TTF2: variants seen among roughly 807,000 people sequenced by gnomAD.
TTF2 encodes transcription termination factor 2, also known as RNA polymerase II termination factor.
TTF2 carries 108 observed loss-of-function variants against 142.4 expected under a neutral mutation model. The ratio of observed to expected loss-of-function variants is 0.76; its 90% CI spans 0.65 to 0.89. The LOEUF is 0.89. TTF2 is among the 40% of genes least tolerant of loss of function. The pLI is 0.00. For missense variants in TTF2, 1,327 were observed against 1,379.8 expected (o/e 0.96, Z 0.61); for synonymous variants, 483 against 506.2 (o/e 0.95, Z 0.61).
chr1:117,077,922 C>G lies in TTF2; in HGVS notation c.1580C>G (p.Thr527Arg). ...AACACCTATTTGTATGCAGGCCATA[C>G]AAACCAAGATCACGTTCATGCAGTG... Reference protein sequence around the residue: ...GGSSQCYRGHTNQDHVHAVWK... With the variant: ...GGSSQCYRGHRNQDHVHAVWK... The change falls in exon 8 of 23, where the codon ACA becomes AGA. Residue 527 changes from threonine (T) to arginine (R), a missense_variant. Physicochemically the swap from Thr to Arg is moderately conservative, Grantham distance 71. Coordinates refer to ENST00000369466, the MANE Select transcript of TTF2 (RefSeq NM_003594.4). The G allele has an allele frequency of 6.2e-7, 1 of 1,614,156 alleles. No individual in the cohort carries two copies. Among genetic ancestry groups the G allele is most frequent in the African/African-American group, 1.3e-5 (1 of 75,054 alleles).
chr1:117,095,443 T>G (rs1220811835), intron 19 of TTF2, 76 bp downstream of exon 19: 1 of 1,378,376 alleles, frequency 7.3e-7, no homozygotes, highest in African/African-American at 1.4e-5. Context: ...GAGTTATAAA[T>G]CAAGGACTGT....
In TTF2 at chr1:117,076,189, G is replaced by A; in HGVS notation, c.1285G>A (p.Ala429Thr). 6.2e-7 allele frequency: 1 copy of A among 1,613,772 alleles called. No individual in the cohort carries two copies. The highest frequency in any genetic ancestry group is 1.1e-5 in the South Asian group (1 of 91,060). Residue 429 changes from alanine (A) to threonine (T), a missense_variant, in exon 6 of 23, where the codon GCA becomes ACA. Ala to Thr is a moderately conservative substitution (Grantham distance 58). Coordinates refer to ENST00000369466, the MANE Select transcript of TTF2 (RefSeq NM_003594.4). This position sits in a 1 kb window ranked among gnomAD's most constrained non-coding sequence, Gnocchi z 4.6. ...GGAATCTGTTTTTCAGAGCACACTG[G>A]CATCAGTGAACATCCAGGCTCTTCC... Reference protein sequence around the residue: ...TQLKQKKSTLASVNIQALPDK... With the variant: ...TQLKQKKSTLTSVNIQALPDK...
intron 7 of TTF2, 62 bp from the exon 8 acceptor site, chr1:117,077,854 C>T (rs1241886540): frequency 1.9e-6 from 3 of 1,601,696 alleles, no homozygotes; most frequent in African/African-American, 2.7e-5. Context: ...GCTAAGTTCA[C>T]TCTAAAGGGA....
In TTF2 at chr1:117,099,718, G is replaced by A. The variant is rs1467056111; in HGVS notation, c.3344+811G>A. Among the ~76,000 whole-genome samples, 1 of 152,066 alleles carries A rather than the reference G, an allele frequency of 6.6e-6. No individual in the cohort carries two copies. The highest frequency in any genetic ancestry group is 1.5e-5 in the Non-Finnish European group (1 of 68,030). On this transcript the variant is annotated intron_variant, in intron 22 of 22. Transcript: ENST00000369466. The surrounding 1 kb of genome is among the most constrained non-coding windows in gnomAD (Gnocchi z 4.3). ...TTTTTTGCCTTCCTTTTCATGACCAGGTTTCCTGAAGAATTAGGAATCACT... is the reference window on the plus strand; with the variant it reads ...TTTTTTGCCTTCCTTTTCATGACCAAGTTTCCTGAAGAATTAGGAATCACT...
At chr1:117,094,936 G>A (rs79168754) in intron 18 of TTF2, among the ~76,000 whole-genome samples, 2,949 of 152,256 alleles carry the variant, frequency 0.019, 76 homozygotes, top group African/African-American at 0.067. Context: ...GGCAGAGGGA[G>A]CAGAATGGAC....
intron 3 of TTF2, among the ~76,000 whole-genome samples, chr1:117,065,110 A>G (rs1459327278): frequency 1.3e-5 from 2 of 152,180 alleles, no homozygotes; most frequent in Non-Finnish European, 2.9e-5. Context: ...ATCAGATAAA[A>G]TAGTGTGAGT....
Position 117,073,694 on chromosome 1 carries a change from G to A in TTF2, c.252G>A (p.Glu84=). 6.2e-7 allele frequency: 1 copy of A among 1,612,534 alleles called. No homozygotes were observed. Among genetic ancestry groups the A allele is most frequent in the Non-Finnish European group, 8.5e-7 (1 of 1,178,912 alleles). ...TCCGATGCATTAGAAGTAAGGCAGAGGGGAAACGCTGGTGTGGAAGTATTC... is the reference window on the plus strand; with the variant it reads ...TCCGATGCATTAGAAGTAAGGCAGAAGGGAAACGCTGGTGTGGAAGTATTC... The part of the protein sequence containing the change: ...LFFRCIRSKA[E]GKRWCGSIPW... Residue 84 remains glutamate (E), a synonymous_variant, in exon 4 of 23, where the codon GAG becomes GAA. Coordinates refer to ENST00000369466, the MANE Select transcript of TTF2 (RefSeq NM_003594.4). The surrounding 1 kb of genome is among the most constrained non-coding windows in gnomAD (Gnocchi z 4.4).
At position 117,076,046 on chromosome 1, in the gene TTF2, A is replaced by G. The variant is rs1656983534; in HGVS notation, c.1276-134A>G. 6 of 1,302,656 alleles carry G rather than the reference A, an allele frequency of 4.6e-6. No homozygotes were observed. Among genetic ancestry groups the G allele is most frequent in the Non-Finnish European group, 6.2e-6 (6 of 967,522 alleles). The allele number at this position is 1,302,656 out of a possible 1,614,324, so 80.7% of individuals were successfully genotyped here. On this transcript the variant is annotated intron_variant, in intron 5 of 22. Coordinates refer to ENST00000369466, the MANE Select transcript of TTF2 (RefSeq NM_003594.4). The surrounding 1 kb of genome is among the most constrained non-coding windows in gnomAD (Gnocchi z 4.6). ...TAAGCCAGCTGGGTTAAAATTTAAA[A>G]AAGGTTCTGGTTTTTGCACACATAT...
chr1:117,074,372 A>T (rs1294469937), intron 4 of TTF2, among the ~76,000 whole-genome samples: 1 of 152,222 alleles, frequency 6.6e-6, no homozygotes, highest in Non-Finnish European at 1.5e-5. Context: ...TTGGTTTGTC[A>T]CTACTTTTCC....
rs750150239 is a variant in TTF2, at chr1:117,084,163, C to T, written c.2049C>T (p.Ala683=). Reference sequence around the variant, plus strand: ...ATGGGCCAAACCGGGATTCACGTGCCAGAGTGTAAGTGCAGGAATACGCAG... The same window carrying T: ...ATGGGCCAAACCGGGATTCACGTGCTAGAGTGTAAGTGCAGGAATACGCAG... ...LYHGPNRDSR[A]RVLSTYDIVI... Residue 683 remains alanine, a synonymous_variant, in exon 11 of 23, where the codon GCC becomes GCT. Coordinates refer to ENST00000369466, the MANE Select transcript of TTF2 (RefSeq NM_003594.4). 1 of 1,614,046 alleles carries T rather than the reference C, an allele frequency of 6.2e-7. No individual in the cohort carries two copies. The highest frequency in any genetic ancestry group is 1.3e-5 in the African/African-American group (1 of 74,922).
Position 117,075,443 on chromosome 1 carries a change from A to T in TTF2, c.859A>T (p.Asn287Tyr), listed in dbSNP as rs1189280188. Reference protein sequence around the residue: ...KGGPLNKEYTNWEAKETKAKD... With the variant: ...KGGPLNKEYTYWEAKETKAKD... ...GGGACCCCTCAACAAGGAGTACACG[A>T]ACTGGGAGGCTAAAGAAACAAAGGC... Residue 287 changes from asparagine to tyrosine, a missense_variant, in exon 5 of 23, where the codon AAC (asparagine) becomes TAC (tyrosine). By Grantham distance (143) the Asn-to-Tyr change is moderately radical (BLOSUM62 -2). Transcript: ENST00000369466. This position sits in a 1 kb window ranked among gnomAD's most constrained non-coding sequence, Gnocchi z 4.5. 3 of 1,614,168 alleles carry T rather than the reference A, an allele frequency of 1.9e-6. No individual in the cohort carries two copies. The Admixed American group carries it at 5.0e-5, about 27-fold the overall frequency.
chr1:117,081,670 G>T (rs2274251), intron 9 of TTF2, among the ~76,000 whole-genome samples, 158 bp from the exon 10 acceptor site: 1 of 152,136 alleles, frequency 6.6e-6, no homozygotes, highest in African/African-American at 2.4e-5. Flanking sequence ...TGCTGAATAA[G>T]GAAGATAAAG....
Position 117,097,493 on chromosome 1 carries a change from AG to A in TTF2, c.3269+64del. The A allele has an allele frequency of 6.7e-7, 1 of 1,488,280 alleles. No individual in the cohort carries two copies. The highest frequency in any genetic ancestry group is 9.4e-7 in the Non-Finnish European group (1 of 1,065,342). 92.2% of individuals were successfully genotyped at this position (1,488,280 alleles called of 1,614,324 possible). A position where few individuals can be genotyped will look rare whatever the true frequency, so the allele number is the denominator to read the frequency against. On this transcript the variant is annotated intron_variant, in intron 21 of 22. Transcript: ENST00000369466. The surrounding 1 kb of genome is among the most constrained non-coding windows in gnomAD (Gnocchi z 4.1). ...CACATCAAGGAGGCCAGTGGGCTAC[AG>A]GGGCAGCAAGAACTGACTTCTTATG...
At chr1:117,074,192 A>T (rs1656804982) in intron 4 of TTF2, among the ~76,000 whole-genome samples, 1 of 152,222 alleles carries the variant, frequency 6.6e-6, no homozygotes, top group Admixed American at 6.5e-5. Flanking sequence ...GTTTTGGCAG[A>T]GGTGTGGCTT....
Position 117,080,679 on chromosome 1 carries a change from C to T in TTF2, c.1783+1030C>T, listed in dbSNP as rs954945860. Among the ~76,000 whole-genome samples the T allele has an allele frequency of 2.6e-5, 4 of 152,052 alleles. No homozygotes were observed. The highest frequency in any genetic ancestry group is 4.4e-5 in the Non-Finnish European group (3 of 68,028). ...TGGTCCTCAAAACCACCCCCAGGTTCGATGATTTGCTAGTAAGACACAGCA... is the reference window on the plus strand; with the variant it reads ...TGGTCCTCAAAACCACCCCCAGGTTTGATGATTTGCTAGTAAGACACAGCA... On this transcript the variant is annotated intron_variant, in intron 9 of 22. Coordinates refer to ENST00000369466, the MANE Select transcript of TTF2 (RefSeq NM_003594.4). This position sits in a 1 kb window ranked among gnomAD's most constrained non-coding sequence, Gnocchi z 4.3.
rs561857314 is a variant in TTF2 at position 117,062,533 on chromosome 1, G to C, written c.218+60G>C. 161 of 1,490,496 alleles carry C rather than the reference G, an allele frequency of 1.1e-4. No homozygotes were observed. The African/African-American group carries it at 2.0e-3, about 18-fold the overall frequency. The allele number at this position is 1,490,496 out of a possible 1,614,324, so 92.3% of individuals were successfully genotyped here. ...CTTTTTTTTTTTTTTCTCCCTGAAA[G>C]AGTTGTAGCCAGGTATGTATTAGGA... On this transcript the variant is annotated intron_variant, in intron 3 of 22. Transcript: ENST00000369466.
chr1:117,065,978 C>CACT (rs1231619291), intron 3 of TTF2, among the ~76,000 whole-genome samples: 3 of 148,034 alleles, frequency 2.0e-5, no homozygotes, highest in Non-Finnish European at 4.4e-5. Context: ...ATTGAAAGCC[C>CACT]ACTATATACC....
Position 117,097,206 on chromosome 1 carries a change from TA to T in TTF2, c.3187-134del, listed in dbSNP as rs11330257. On this transcript the variant is annotated intron_variant, in intron 20 of 22. Transcript: ENST00000369466. This position sits in a 1 kb window ranked among gnomAD's most constrained non-coding sequence, Gnocchi z 4.1. ...GACATGGGAGATAGCATTATAATGT[TA>T]AAAAAAAAAACAATTTATAACAGCA... 0.26 allele frequency: 153,117 copies of T among 578,160 alleles called. 13,993 individuals are homozygous for T. Among genetic ancestry groups the T allele is most frequent in the African/African-American group, 0.37 (19,171 of 51,996 alleles). The allele number at this position is 578,160 out of a possible 1,614,324, so 35.8% of individuals were successfully genotyped here.
intron 4 of TTF2, among the ~76,000 whole-genome samples, 163 bp from the exon 5 acceptor site, chr1:117,074,707 C>G (rs549967853): frequency 6.9e-6 from 1 of 144,556 alleles, no homozygotes; most frequent in African/African-American, 2.5e-5. Flanking sequence ...AAGAAACTAT[C>G]TATTGGGCAC....
Sources: gnomAD v4.1 joint callset for allele counts (sites outside exome capture counted in the v4.1 genomes callset) on GRCh38, gnomAD v4.1.1 for gene constraint, Gnocchi (gnomAD v3.1) non-coding constraint, MANE v1.5 for transcripts, NCBI Gene and HGNC (gene_info 2026-07-23, HGNC 2026-07-21) for gene names.